The following USP5 variants were observed in gnomAD, a reference collection of about 807,000 sequenced individuals.
USP5 encodes ubiquitin specific peptidase 5.
A neutral mutation model predicts 102.5 loss-of-function variants in USP5; 24 were observed. That is an observed-to-expected ratio of 0.23 (90% CI 0.17 to 0.33). USP5 has a LOEUF of 0.33. Among genes scored for constraint, USP5 ranks in the 10% least tolerant of loss-of-function variants. The pLI is 1.00. For synonymous variants in USP5, 460 were observed against 434.8 expected (o/e 1.06, Z -0.72); for missense variants, 753 against 1,122.1 (o/e 0.67, Z 4.70).
chr12:6,865,079 G>A, intron 18 of USP5, 85 bp from the exon 19 acceptor site: 1 of 1,374,540 alleles, frequency 7.3e-7, no homozygotes, highest in Admixed American at 1.8e-5. Context: ...CCTGTCCTGA[G>A]TCTGAGCTGT....
At chr12:6,852,469 C>G (rs1415270596) in intron 1 of USP5, among the ~76,000 whole-genome samples, 179 bp downstream of exon 1, 1 of 152,266 alleles carries the variant, frequency 6.6e-6, no homozygotes, top group African/African-American at 2.4e-5. Context: ...TGACTACCGT[C>G]CCCGGAAGCC....
chr12:6,856,280 G>T lies in USP5; in HGVS notation c.439-25G>T. 1.2e-6 allele frequency: 2 copies of T among 1,608,386 alleles called. No individual in the cohort carries two copies. Among genetic ancestry groups the T allele is most frequent in the Non-Finnish European group, 1.7e-6 (2 of 1,176,762 alleles). On this transcript the variant is annotated intron_variant, in intron 4 of 19. Coordinates refer to ENST00000229268, the MANE Select transcript of USP5 (RefSeq NM_001098536.2). This position sits in a 1 kb window ranked among gnomAD's most constrained non-coding sequence, Gnocchi z 5.6. ...CATGTGGGGCAGGGGGTTGGGTATT[G>T]CCTCTGACCCTCTGCTTCCCCCAGG...
At chr12:6,853,247 C>G (rs1943997545) in intron 1 of USP5, among the ~76,000 whole-genome samples, 1 of 152,236 alleles carries the variant, frequency 6.6e-6, no homozygotes, top group Admixed American at 6.5e-5. Flanking sequence ...CTGCCAGAAC[C>G]AGCTCATGGC....
rs143479000 is a variant in USP5 at position 6,861,138 on chromosome 12, G to A, written c.1498+32G>A. On this transcript the variant is annotated intron_variant, in intron 12 of 19. Coordinates refer to ENST00000229268, the MANE Select transcript of USP5 (RefSeq NM_001098536.2). The surrounding 1 kb of genome is among the most constrained non-coding windows in gnomAD (Gnocchi z 4.9). ...TGCTCCATCAGCAAGGCCGTGGCAC[G>A]GTGGGAGGCTAAGGTCTAGGAGGAA... The A allele has an allele frequency of 5.1e-4, 828 of 1,612,416 alleles. 1 individual carries two copies. Among genetic ancestry groups the A allele is most frequent in the Middle Eastern group, 1.5e-3 (9 of 5,968 alleles).
At chr12:6,857,818 T>C in intron 7 of USP5, 95 bp downstream of exon 7, 1 of 1,261,492 alleles carries the variant, frequency 7.9e-7, no homozygotes, top group Non-Finnish European at 1.1e-6. Context: ...TGGAGAAATC[T>C]TCTAGTTAAC....
chr12:6,865,011 G>T, intron 18 of USP5, 136 bp downstream of exon 18: 1 of 1,368,364 alleles, frequency 7.3e-7, no homozygotes, highest in South Asian at 1.4e-5. Context: ...CTGAGGGTGG[G>T]GTTCTCTGAC....
chr12:6,865,609 CTTGT>C (rs1944421795), intron 19 of USP5, among the ~76,000 whole-genome samples: 1 of 152,204 alleles, frequency 6.6e-6, no homozygotes, highest in Non-Finnish European at 1.5e-5. Flanking sequence ...CCTGGACACA[CTTGT>C]TTATGTGTTG....
rs782665524 is a variant in USP5 at position 6,864,878 on chromosome 12, G to A, written c.2398+3G>A. On this transcript the variant is annotated splice_donor_region_variant and intron_variant, in intron 18 of 19. Transcript: ENST00000229268. The surrounding 1 kb of genome is among the most constrained non-coding windows in gnomAD (Gnocchi z 4.8). ...TAAAGTCCGGGATGGTCCTGGAAGT[G>A]AGTATCCCCAGGAAGCAGGACAGGC... 2 of 1,612,852 alleles carry A rather than the reference G, an allele frequency of 1.2e-6. No individual in the cohort carries two copies. The highest frequency in any genetic ancestry group is 2.7e-5 in the African/African-American group (2 of 75,026).
At position 6,863,944 on chromosome 12, in the gene USP5, A is replaced by G. The variant is rs1555130145; in HGVS notation, c.2069A>G (p.Asn690Ser). Residue 690 changes from asparagine (N) to serine (S), a missense_variant, in exon 16 of 20, where the codon AAC becomes AGC. By Grantham distance (46) the Asn-to-Ser change is conservative (BLOSUM62 1). Transcript: ENST00000229268. This position sits in a 1 kb window ranked among gnomAD's most constrained non-coding sequence, Gnocchi z 4.7. ...TGNSGAEAAM[N>S]WVMSHMDDPD... ...AACAGCGGGGCTGAGGCCGCCATGA[A>G]CTGGGTCATGTCACACATGGATGAT... 1 of 1,605,842 alleles carries G rather than the reference A, an allele frequency of 6.2e-7. No homozygotes were observed. Among genetic ancestry groups the G allele is most frequent in the South Asian group, 1.1e-5 (1 of 90,300 alleles).
In USP5 at chr12:6,863,941, T is replaced by C. The variant is rs1944351383; in HGVS notation, c.2066T>C (p.Met689Thr). The C allele has an allele frequency of 1.9e-6, 3 of 1,606,078 alleles. No individual in the cohort carries two copies. Among genetic ancestry groups the C allele is most frequent in the Non-Finnish European group, 2.6e-6 (3 of 1,174,768 alleles). ...YTGNSGAEAA[M>T]NWVMSHMDDP... is the part of the protein sequence containing the mutation. The stretch of plus-strand genomic sequence containing the variant: ...GGCAACAGCGGGGCTGAGGCCGCCA[T>C]GAACTGGGTCATGTCACACATGGAT... Residue 689 changes from methionine to threonine, a missense_variant, in exon 16 of 20, where the codon ATG (methionine) becomes ACG (threonine). Physicochemically the swap from Met to Thr is moderately conservative, Grantham distance 81. Transcript: ENST00000229268. The surrounding 1 kb of genome is among the most constrained non-coding windows in gnomAD (Gnocchi z 4.7).
Position 6,866,084 on chromosome 12 carries a change from G to A in USP5, c.*7G>A. 1 of 1,613,864 alleles carries A rather than the reference G, an allele frequency of 6.2e-7. No homozygotes were observed. The highest frequency in any genetic ancestry group is 8.5e-7 in the Non-Finnish European group (1 of 1,179,780). Reference sequence around the variant, plus strand: ...CCAGAGAGTGGCCAGCTAAGAGCCTGCCTCACCCCTTACCAATGAGGGCAG... The same window carrying A: ...CCAGAGAGTGGCCAGCTAAGAGCCTACCTCACCCCTTACCAATGAGGGCAG... On this transcript the variant is annotated 3_prime_UTR_variant, in exon 20 of 20. Coordinates refer to ENST00000229268, the MANE Select transcript of USP5 (RefSeq NM_001098536.2). The surrounding 1 kb of genome is among the most constrained non-coding windows in gnomAD (Gnocchi z 4.7).
In USP5 at chr12:6,861,492, G is replaced by T. The variant is rs782133247; in HGVS notation, c.1548G>T (p.Lys516Asn). Reference protein sequence around the residue: ...EEKKRQAEEEKMALPELVRAQ... With the variant: ...EEKKRQAEEENMALPELVRAQ... ...AGAAGCGGCAAGCCGAAGAGGAGAA[G>T]ATGGCACTGCCAGAACTGGTTCGGG... is the stretch of plus-strand genomic sequence containing the variant. The change falls in exon 13 of 20, where the codon AAG becomes AAT. Residue 516 changes from lysine (K) to asparagine (N), a missense_variant. Transcript: ENST00000229268. The surrounding 1 kb of genome is among the most constrained non-coding windows in gnomAD (Gnocchi z 4.9). 3.8e-6 allele frequency: 6 copies of T among 1,598,098 alleles called. No individual in the cohort carries two copies. The East Asian group carries it at 1.1e-4, about 30-fold the overall frequency.
At position 6,861,371 on chromosome 12, in the gene USP5, C is replaced by T. The variant is rs1012772348; in HGVS notation, c.1499-72C>T. 2.0e-6 allele frequency: 3 copies of T among 1,481,366 alleles called. No individual in the cohort carries two copies. The Admixed American group carries it at 6.5e-5, about 32-fold the overall frequency. 91.8% of individuals were successfully genotyped at this position (1,481,366 alleles called of 1,614,324 possible). On this transcript the variant is annotated intron_variant, in intron 12 of 19. Transcript: ENST00000229268. The surrounding 1 kb of genome is among the most constrained non-coding windows in gnomAD (Gnocchi z 4.9). ...GAGGAACTGAAATACGGACACAGAG[C>T]CAGTAGGGAGAGGCTAAGGAGGCAA... is the stretch of plus-strand genomic sequence containing the variant.
intron 9 of USP5, among the ~76,000 whole-genome samples, chr12:6,859,780 G>A (rs1001642322): frequency 2.0e-5 from 3 of 152,174 alleles, no homozygotes; most frequent in Non-Finnish European, 2.9e-5. Context: ...AGTCTCCTGA[G>A]TAGCTAGGAC....
Position 6,865,261 on chromosome 12 carries a change from C to A in USP5, c.2483+13C>A. 6.2e-7 allele frequency: 1 copy of A among 1,610,504 alleles called. No individual in the cohort carries two copies. Among genetic ancestry groups the A allele is most frequent in the East Asian group, 2.2e-5 (1 of 44,808 alleles). On this transcript the variant is annotated intron_variant, in intron 19 of 19. Transcript: ENST00000229268. ...AGAAAGAAGGCAGGTGAGTGCTGGCCACATGCGTTTTGAATGGAGAATGGT... is the reference window on the plus strand; with the variant it reads ...AGAAAGAAGGCAGGTGAGTGCTGGCAACATGCGTTTTGAATGGAGAATGGT...
In USP5 at chr12:6,855,936, G is replaced by A; in HGVS notation, c.305-81G>A. Reference sequence around the variant, plus strand: ...TGATGGCCCTAGAACTCTGGATGGGGCAAGTGAGGTGCTGGCTCGGAGGAG... The same window carrying A: ...TGATGGCCCTAGAACTCTGGATGGGACAAGTGAGGTGCTGGCTCGGAGGAG... On this transcript the variant is annotated intron_variant, in intron 3 of 19. Transcript: ENST00000229268. This position sits in a 1 kb window ranked among gnomAD's most constrained non-coding sequence, Gnocchi z 4.6. 1 of 1,605,550 alleles carries A rather than the reference G, an allele frequency of 6.2e-7. No individual in the cohort carries two copies. The highest frequency in any genetic ancestry group is 8.5e-7 in the Non-Finnish European group (1 of 1,173,612).
At position 6,864,003 on chromosome 12, in the gene USP5, A is replaced by C; in HGVS notation, c.2098+30A>C. 6.3e-7 allele frequency: 1 copy of C among 1,581,132 alleles called. No individual in the cohort carries two copies. Among genetic ancestry groups the C allele is most frequent in the East Asian group, 2.3e-5 (1 of 44,230 alleles). On this transcript the variant is annotated intron_variant, in intron 16 of 19. Coordinates refer to ENST00000229268, the MANE Select transcript of USP5 (RefSeq NM_001098536.2). The surrounding 1 kb of genome is among the most constrained non-coding windows in gnomAD (Gnocchi z 4.8). The stretch of plus-strand genomic sequence containing the variant: ...GCTGGGGTGGGGAGCAGGGTGGGGC[A>C]GGGCCTCCATCCTCCCCCAAACACA...
At chr12:6,865,899 T>G (rs1944432320) in intron 19 of USP5, 85 bp from the exon 20 acceptor site, 1 of 1,223,958 alleles carries the variant, frequency 8.2e-7, no homozygotes, top group African/African-American at 1.5e-5. Context: ...GGAGAGCACT[T>G]CCAGGGGCCA....
In USP5 at chr12:6,861,369, A is replaced by G. The variant is rs1436901647; in HGVS notation, c.1499-74A>G. On this transcript the variant is annotated intron_variant, in intron 12 of 19. Coordinates refer to ENST00000229268, the MANE Select transcript of USP5 (RefSeq NM_001098536.2). The surrounding 1 kb of genome is among the most constrained non-coding windows in gnomAD (Gnocchi z 4.9). ...TAGAGGAACTGAAATACGGACACAG[A>G]GCCAGTAGGGAGAGGCTAAGGAGGC... The G allele has an allele frequency of 6.7e-6, 10 of 1,482,388 alleles. No individual in the cohort carries two copies. The highest frequency in any genetic ancestry group is 9.1e-6 in the Non-Finnish European group (10 of 1,102,216). The allele number at this position is 1,482,388 out of a possible 1,614,324, so 91.8% of individuals were successfully genotyped here.
Sources: allele counts gnomAD v4.1 joint callset (sites outside exome capture counted in the v4.1 genomes callset), GRCh38; gene constraint gnomAD v4.1.1; non-coding constraint Gnocchi (gnomAD v3.1); transcripts MANE v1.5; gene names NCBI Gene and HGNC (gene_info 2026-07-23, HGNC 2026-07-21).